RNF128: variants seen among roughly 807,000 people sequenced by gnomAD.
RNF128 encodes the protein E3 ubiquitin-protein ligase RNF128.
Under a neutral mutation model 26.2 loss-of-function variants are expected in RNF128, and 13 were observed. The ratio of observed to expected loss-of-function variants is 0.50; its 90% CI spans 0.32 to 0.79. The LOEUF (loss-of-function observed/expected upper bound fraction) is 0.79. RNF128 is among the 30% of genes least tolerant of loss of function. RNF128 has a pLI of 0.03. For synonymous variants in RNF128, 149 were observed against 142.5 expected, an observed-to-expected ratio of 1.05 and a Z score of -0.32; for missense variants, 315 against 349.7, an observed-to-expected ratio of 0.90 and a Z score of 0.79.
chrX:106,697,559 C>G (rs1928893434), intron 1 of RNF128, among the ~76,000 whole-genome samples: 1 of 111,787 alleles, frequency 8.9e-6, no homozygotes, highest in Non-Finnish European at 1.9e-5. Flanking sequence ...TCCCCCATGT[C>G]CTTTCACATT....
intron 1 of RNF128, among the ~76,000 whole-genome samples, chrX:106,721,552 C>A (rs1161567961): frequency 9.0e-6 from 1 of 111,633 alleles, no homozygotes; most frequent in Non-Finnish European, 1.9e-5. Context: ...ATTGCTGATA[C>A]AAATATTTAG....
chrX:106,731,404 C>T (rs1929500520), intron 1 of RNF128, among the ~76,000 whole-genome samples: 1 of 112,114 alleles, frequency 8.9e-6, no homozygotes, highest in Non-Finnish European at 1.9e-5. Context: ...GTTTGTACTA[C>T]TTAATCACCA....
chrX:106,751,558 G>A (rs912954477), intron 1 of RNF128, among the ~76,000 whole-genome samples: 2 of 110,453 alleles, frequency 1.8e-5, no homozygotes, highest in African/African-American at 6.6e-5. Context: ...GAGGACTTGC[G>A]GTGCATATGG....
chrX:106,733,805 A>T (rs1929541701), intron 1 of RNF128, among the ~76,000 whole-genome samples: 1 of 110,388 alleles, frequency 9.1e-6, no homozygotes, highest in African/African-American at 3.3e-5. Context: ...GGTTCAAGTG[A>T]TTCTCATGCC....
chrX:106,699,149 T>G (rs920509982), intron 1 of RNF128, among the ~76,000 whole-genome samples: 8 of 112,136 alleles, frequency 7.1e-5, no homozygotes, highest in Non-Finnish European at 1.5e-4. Flanking sequence ...TTAAGTGTTC[T>G]CTCTTGCTAT....
At chrX:106,789,079 C>G (rs1256040448) in intron 4 of RNF128, among the ~76,000 whole-genome samples, 12 of 81,952 alleles carry the variant, frequency 1.5e-4, no homozygotes, top group Non-Finnish European at 2.5e-4. Context: ...TGTATATATA[C>G]TATATAGTAT....
At chrX:106,718,714 G>A (rs1929259568) in intron 1 of RNF128, among the ~76,000 whole-genome samples, 1 of 111,417 alleles carries the variant, frequency 9.0e-6, no homozygotes, top group African/African-American at 3.3e-5. Flanking sequence ...AGTCATTTTT[G>A]TAGCTATAAA....
At chrX:106,784,274 A>G (rs1985797163) in intron 2 of RNF128, among the ~76,000 whole-genome samples, 1 of 111,319 alleles carries the variant, frequency 9.0e-6, no homozygotes, top group African/African-American at 3.3e-5. Flanking sequence ...TAGAGGGACA[A>G]TGTGTTATTG....
At chrX:106,723,357 A>G (rs1929346033), upstream of RNF128, among the ~76,000 whole-genome samples, 1 of 111,172 alleles carries the variant, frequency 9.0e-6, no homozygotes, top group African/African-American at 3.3e-5. Context: ...TCATGAGGTC[A>G]GGAGTTCGAG....
chrX:106,792,306 G>C (rs1260431849), intron 6 of RNF128, among the ~76,000 whole-genome samples: 3 of 105,383 alleles, frequency 2.8e-5, no homozygotes, highest in African/African-American at 1.0e-4. Context: ...ATAATTTATT[G>C]CTAGTCTTTT....
At chrX:106,694,957 A>G (rs1204791820) in intron 1 of RNF128, among the ~76,000 whole-genome samples, 1 of 111,612 alleles carries the variant, frequency 9.0e-6, no homozygotes, top group African/African-American at 3.2e-5. Flanking sequence ...GATATTACCC[A>G]TTGAAAAGTG....
chrX:106,703,059 C>G (rs1441486082), intron 1 of RNF128, among the ~76,000 whole-genome samples: 1 of 111,715 alleles, frequency 9.0e-6, no homozygotes, highest in African/African-American at 3.2e-5. Flanking sequence ...TAGCTAATGA[C>G]CTCAATATGC....
chrX:106,786,722 A>G (rs1930664303), intron 3 of RNF128, among the ~76,000 whole-genome samples: 1 of 111,185 alleles, frequency 9.0e-6, no homozygotes, highest in East Asian at 2.8e-4. Context: ...AAAGGGCTGT[A>G]CCCAGAATAT....
At chrX:106,762,563 A>T (rs181625309) in intron 1 of RNF128, among the ~76,000 whole-genome samples, 1 of 110,428 alleles carries the variant, frequency 9.1e-6, no homozygotes, top group Non-Finnish European at 1.9e-5. Context: ...TCCGCCCCCC[A>T]TCGGCCTCCC....
At chrX:106,696,406 A>G (rs1471190517) in intron 1 of RNF128, among the ~76,000 whole-genome samples, 1 of 111,440 alleles carries the variant, frequency 9.0e-6, no homozygotes, top group Non-Finnish European at 1.9e-5. Context: ...GCTGACAAAC[A>G]TAAGGAATCA....
intron 2 of RNF128, among the ~76,000 whole-genome samples, chrX:106,774,391 T>C (rs764693562): frequency 8.9e-6 from 1 of 111,997 alleles, no homozygotes. Flanking sequence ...TTTTGTCTTT[T>C]GTATACTCAA....
chrX:106,744,156 G>A (rs1392677543), intron 1 of RNF128, among the ~76,000 whole-genome samples: 2 of 111,251 alleles, frequency 1.8e-5, no homozygotes, highest in Admixed American at 1.9e-4. Context: ...TGTAAATGAC[G>A]AGTTAGTGGG....
chrX:106,783,829 C>T (rs774087336), intron 2 of RNF128, among the ~76,000 whole-genome samples: 22 of 110,953 alleles, frequency 2.0e-4, no homozygotes, highest in African/African-American at 5.9e-4. Context: ...GGGAAGCACG[C>T]GTGTCACAGG....
intron 1 of RNF128, among the ~76,000 whole-genome samples, chrX:106,702,867 A>T (rs1376256597): frequency 1.8e-5 from 2 of 111,916 alleles, no homozygotes; most frequent in Non-Finnish European, 3.8e-5. Context: ...TCATGCAAGC[A>T]ACAACCTGTT....
Sources: allele counts gnomAD v4.1 joint callset (sites outside exome capture counted in the v4.1 genomes callset), GRCh38; gene constraint gnomAD v4.1.1; transcripts MANE v1.5; gene names NCBI Gene and HGNC (gene_info 2026-07-23, HGNC 2026-07-21).